The following DMD variants were observed in gnomAD, a reference collection of about 807,000 sequenced individuals.
DMD encodes dystrophin.
A neutral mutation model predicts 330.1 loss-of-function variants in DMD; 63 were observed. That is an observed-to-expected ratio of 0.19 (90% CI 0.16 to 0.24). The LOEUF is 0.24. Among genes scored for constraint, DMD ranks in the 10% least tolerant of loss-of-function variants. The probability of loss-of-function intolerance (pLI) is 1.00; values close to 1 mark genes in which losing one functional copy is unlikely to be tolerated. For missense variants in DMD, 3,344 were observed against 2,684.1 expected, an observed-to-expected ratio of 1.25 and a Z score of -5.43; for synonymous variants, 1,223 against 959.8, an observed-to-expected ratio of 1.27 and a Z score of -5.07.
chrX:31,845,036 A>G (rs2093389668), intron 48 of DMD, among the ~76,000 whole-genome samples: 2 of 99,466 alleles, frequency 2.0e-5, no homozygotes, highest in Non-Finnish European at 4.0e-5. Context: ...ATACATATAT[A>G]TATATATATG....
intron 7 of DMD, among the ~76,000 whole-genome samples, chrX:32,771,924 A>C (rs2073652871): frequency 1.8e-5 from 2 of 111,971 alleles, no homozygotes; most frequent in Non-Finnish European, 3.8e-5. Context: ...TAAAAATACC[A>C]ATATATTTAT....
At chrX:32,664,044 T>C (rs1311501973) in intron 9 of DMD, among the ~76,000 whole-genome samples, 1 of 111,323 alleles carries the variant, frequency 9.0e-6, no homozygotes. Context: ...AGAAGAGTGA[T>C]GTGATTTGCC....
intron 55 of DMD, among the ~76,000 whole-genome samples, chrX:31,620,171 G>T (rs981281023): frequency 2.7e-5 from 3 of 111,509 alleles, no homozygotes; most frequent in Non-Finnish European, 5.6e-5. Flanking sequence ...ATAGTCAGAG[G>T]TTCTCACTGA....
intron 52 of DMD, among the ~76,000 whole-genome samples, chrX:31,725,261 A>G (rs1376082088): frequency 9.0e-6 from 1 of 111,380 alleles, no homozygotes; most frequent in East Asian, 2.8e-4. Flanking sequence ...ATTTATAGAT[A>G]ATAAAAATTT....
chrX:32,623,528 A>ATTTT (rs568825537), intron 11 of DMD, among the ~76,000 whole-genome samples: 4 of 92,196 alleles, frequency 4.3e-5, no homozygotes, highest in Non-Finnish European at 8.8e-5. Context: ...TAATACTAGT[A>ATTTT]TTTTTTTTTT....
chrX:32,921,819 C>A (rs949329642), intron 2 of DMD, among the ~76,000 whole-genome samples: 6 of 111,528 alleles, frequency 5.4e-5, no homozygotes, highest in Non-Finnish European at 1.1e-4. Flanking sequence ...ATTCATCCAA[C>A]CATTTATTTA....
intron 60 of DMD, among the ~76,000 whole-genome samples, chrX:31,367,989 T>C (rs1248967574): frequency 1.8e-5 from 2 of 112,210 alleles, no homozygotes; most frequent in African/African-American, 6.5e-5. Context: ...TGTCTGGTGC[T>C]TGCATCACAT....
intron 63 of DMD, among the ~76,000 whole-genome samples, chrX:31,246,205 T>C (rs1174441191): frequency 3.6e-5 from 4 of 112,309 alleles, no homozygotes; most frequent in Non-Finnish European, 7.5e-5. Context: ...CAAAGCCTAA[T>C]CCAGAGCAAA....
At chrX:32,212,414 G>A (rs2097096780) in intron 44 of DMD, among the ~76,000 whole-genome samples, 1 of 111,775 alleles carries the variant, frequency 8.9e-6, no homozygotes, top group African/African-American at 3.2e-5. Flanking sequence ...CATTTAATGA[G>A]TAATTATTTT....
intron 55 of DMD, among the ~76,000 whole-genome samples, chrX:31,510,275 T>A (rs2071358897): frequency 9.0e-6 from 1 of 111,091 alleles, no homozygotes; most frequent in Non-Finnish European, 1.9e-5. Context: ...GGGAAATGGA[T>A]CCAATTCTCT....
chrX:32,241,330 T>A (rs1332899131), intron 43 of DMD, among the ~76,000 whole-genome samples: 1 of 112,391 alleles, frequency 8.9e-6, no homozygotes, highest in Non-Finnish European at 1.9e-5. Context: ...TTTCAATCCA[T>A]TCATCAAGCA....
chrX:31,682,709 G>T (rs1230213870), intron 52 of DMD, among the ~76,000 whole-genome samples: 1 of 111,734 alleles, frequency 8.9e-6, no homozygotes, highest in Non-Finnish European at 1.9e-5. Context: ...ATTCCAATTT[G>T]CCTTCGCTTT....
chrX:31,911,404 T>C (rs1190148607), intron 47 of DMD, among the ~76,000 whole-genome samples: 1 of 112,152 alleles, frequency 8.9e-6, no homozygotes, highest in Non-Finnish European at 1.9e-5. Context: ...CAAAAGTAAG[T>C]GTTGTTTTCA....
chrX:31,397,012 A>T (rs778089902), intron 60 of DMD, among the ~76,000 whole-genome samples: 2 of 111,823 alleles, frequency 1.8e-5, no homozygotes, highest in East Asian at 5.7e-4. Flanking sequence ...CTAGATTTAG[A>T]GTGTGTCTTA....
chrX:31,342,051 G>C (rs1017075669), intron 61 of DMD, among the ~76,000 whole-genome samples: 1 of 110,824 alleles, frequency 9.0e-6, no homozygotes, highest in East Asian at 2.8e-4. Context: ...ATTGTTGGTT[G>C]TAAGTCATTA....
intron 50 of DMD, among the ~76,000 whole-genome samples, chrX:31,811,728 T>C (rs957982001): frequency 9.0e-6 from 1 of 111,687 alleles, no homozygotes; most frequent in Admixed American, 9.5e-5. Context: ...CGTAAGTGTT[T>C]TTAGCAGAGA....
intron 9 of DMD, among the ~76,000 whole-genome samples, chrX:32,676,806 G>C (rs1043663624): frequency 9.0e-6 from 1 of 111,081 alleles, no homozygotes; most frequent in Admixed American, 9.6e-5. Context: ...TCTTAATGTA[G>C]TATTTTATTT....
intron 1 of DMD, among the ~76,000 whole-genome samples, chrX:33,288,492 T>A (rs2053467621): frequency 9.0e-6 from 1 of 111,589 alleles, no homozygotes; most frequent in African/African-American, 3.3e-5. Flanking sequence ...TTCTTCTCAC[T>A]GCAAACAGCA....
At chrX:31,213,347 T>A (rs6631277) in intron 64 of DMD, among the ~76,000 whole-genome samples, 2 of 112,482 alleles carry the variant, frequency 1.8e-5, no homozygotes, top group Admixed American at 9.4e-5. Context: ...AACAGTAACA[T>A]TGACCATTTT....
Sources: allele counts gnomAD v4.1 joint callset (sites outside exome capture counted in the v4.1 genomes callset), GRCh38; gene constraint gnomAD v4.1.1; transcripts MANE v1.5; gene names NCBI Gene and HGNC (gene_info 2026-07-23, HGNC 2026-07-21).